Variants in SH3PXD2B observed in about 807,000 individuals in gnomAD.
SH3PXD2B encodes the protein SH3 and PX domains 2B, also known as SH3 and PX domain-containing protein 2B.
In SH3PXD2B, 37 loss-of-function variants were observed where a neutral mutation model predicts 73.1. That is an observed-to-expected ratio of 0.51 (90% confidence interval 0.39 to 0.67). The LOEUF (loss-of-function observed/expected upper bound fraction) is 0.67, where lower values mean the gene tolerates loss of function less well. Ranked by LOEUF, SH3PXD2B falls within the 30% of genes least tolerant of loss-of-function variation. The probability of loss-of-function intolerance (pLI) is 0.00; values close to 1 mark genes in which losing one functional copy is unlikely to be tolerated. For synonymous variants in SH3PXD2B, 457 were observed against 480.5 expected (o/e 0.95, Z 0.64); for missense variants, 1,053 against 1,197.8 (o/e 0.88, Z 1.78).
chr5:172,431,336 A>G (rs889004640), intron 1 of SH3PXD2B, among the ~76,000 whole-genome samples: 1 of 152,238 alleles, frequency 6.6e-6, no homozygotes, highest in African/African-American at 2.4e-5. Flanking sequence ...CGTGCTCCAA[A>G]CACTAGGTCT....
rs1561925414 is a variant in SH3PXD2B, at chr5:172,404,318, T to TA, written c.232+1958_232+1959insT. ...TGAAAAAAGATATATATATATATATTTTTTTTTGAGATAGAGTTTCACTCT... is the reference window on the plus strand; with the variant it reads ...TGAAAAAAGATATATATATATATATTATTTTTTTGAGATAGAGTTTCACTCT... On this transcript the variant is annotated intron_variant, in intron 3 of 12. Coordinates refer to ENST00000311601, the MANE Select transcript of SH3PXD2B (RefSeq NM_001017995.3). Among the ~76,000 whole-genome samples, 426 of 150,752 alleles carry TA rather than the reference T, an allele frequency of 2.8e-3. 5 individuals carry two copies. The highest frequency in any genetic ancestry group is 9.6e-3 in the African/African-American group (392 of 40,752).
chr5:172,338,140 A>C lies in SH3PXD2B; in HGVS notation c.*229T>G. On this transcript the variant is annotated 3_prime_UTR_variant, in exon 13 of 13. Coordinates refer to ENST00000311601, the MANE Select transcript of SH3PXD2B (RefSeq NM_001017995.3). This position sits in a 1 kb window ranked among gnomAD's most constrained non-coding sequence, Gnocchi z 5.1. ...GGGATGCTGACATGGACAGAAAGCA[A>C]AGGCTGTGGGTTCTGAGCCTCCAGT... 7.0e-7 allele frequency: 1 copy of C among 1,434,548 alleles called. No homozygotes were observed. Among genetic ancestry groups the C allele is most frequent in the East Asian group, 2.5e-5 (1 of 39,282 alleles). The allele number at this position is 1,434,548 out of a possible 1,614,324, so 88.9% of individuals were successfully genotyped here.
chr5:172,365,147 TGAG>T (rs1757485794), intron 6 of SH3PXD2B, among the ~76,000 whole-genome samples: 1 of 151,958 alleles, frequency 6.6e-6, no homozygotes, highest in African/African-American at 2.4e-5. Flanking sequence ...AGAGAAAGCA[TGAG>T]GAGAACAGAG....
At chr5:172,390,815 T>TTTTG (rs1414129867) in intron 4 of SH3PXD2B, among the ~76,000 whole-genome samples, 2 of 140,004 alleles carry the variant, frequency 1.4e-5, no homozygotes, top group East Asian at 2.2e-4. Flanking sequence ...TTCCCGTCTT[T>TTTTG]TGTGTGTGTG....
chr5:172,368,528 ATATATATATATAAAATATATATATAT>A (rs1757596431), intron 6 of SH3PXD2B, among the ~76,000 whole-genome samples: 1 of 22,946 alleles, frequency 4.4e-5, no homozygotes, highest in Admixed American at 9.5e-4. Context: ...TATATATATT[ATATATATATATAAAATATATATATAT>A]TATATATATA....
chr5:172,357,468 A>C (rs1029828784), intron 8 of SH3PXD2B, among the ~76,000 whole-genome samples: 18 of 152,008 alleles, frequency 1.2e-4, no homozygotes, highest in African/African-American at 4.3e-4. Flanking sequence ...GGAAGAAAAT[A>C]AATGTACAAA....
At chr5:172,387,818 C>A (rs1758091693) in intron 4 of SH3PXD2B, among the ~76,000 whole-genome samples, 1 of 152,182 alleles carries the variant, frequency 6.6e-6, no homozygotes, top group African/African-American at 2.4e-5. Flanking sequence ...ATAAACCAAT[C>A]TTTTTGTGCT....
chr5:172,414,970 T>C (rs1345158168), intron 2 of SH3PXD2B, among the ~76,000 whole-genome samples: 2 of 152,190 alleles, frequency 1.3e-5, no homozygotes, highest in Admixed American at 6.5e-5. Flanking sequence ...CCTGCTCAGA[T>C]GTCACCTCCT....
At position 172,339,042 on chromosome 5, in the gene SH3PXD2B, G is replaced by C; in HGVS notation, c.2063C>G (p.Ala688Gly). 6.2e-7 allele frequency: 1 copy of C among 1,614,214 alleles called. No homozygotes were observed. The highest frequency in any genetic ancestry group is 1.1e-5 in the South Asian group (1 of 91,092). The change falls in exon 13 of 13, where the codon GCA becomes GGA. Residue 688 changes from alanine to glycine, a missense_variant. Ala to Gly is a moderately conservative substitution (Grantham distance 60). Around this residue, in one of 2 missense-constraint regions of SH3PXD2B, gnomAD observed 587 missense variants for 590.7 expected, o/e 0.99. Transcript: ENST00000311601. The surrounding 1 kb of genome is among the most constrained non-coding windows in gnomAD (Gnocchi z 6.1). ...GAAGGCCACGTCTTGGCCCCCTACT[G>C]CCTGGGGGCCCTCCCCATCCAACAA... ...KSLLDGEGPQ[A>G]VGGQDVAFSR...
chr5:172,328,458 C>T (rs371333395), intron 12 of SH3PXD2B, among the ~76,000 whole-genome samples: 22 of 152,220 alleles, frequency 1.4e-4, no homozygotes, highest in East Asian at 3.9e-4. Flanking sequence ...CTTGGCCTCC[C>T]GAAGTGTTGG....
chr5:172,444,664 T>G (rs901660031), intron 1 of SH3PXD2B, among the ~76,000 whole-genome samples: 1 of 152,142 alleles, frequency 6.6e-6, no homozygotes, highest in African/African-American at 2.4e-5. Context: ...CTTCCCTCTC[T>G]CCCTCCATCT....
chr5:172,389,253 A>G (rs1225066137), intron 4 of SH3PXD2B, among the ~76,000 whole-genome samples: 1 of 151,716 alleles, frequency 6.6e-6, no homozygotes, highest in African/African-American at 2.4e-5. Flanking sequence ...ATGGGGTTTC[A>G]CCACATTGGT....
At chr5:172,402,541 A>G (rs889708262) in intron 3 of SH3PXD2B, among the ~76,000 whole-genome samples, 1 of 152,194 alleles carries the variant, frequency 6.6e-6, no homozygotes, top group Non-Finnish European at 1.5e-5. Flanking sequence ...ACCTGCCGAC[A>G]TGTGATGTCT....
At chr5:172,392,998 T>C (rs981599183) in intron 4 of SH3PXD2B, among the ~76,000 whole-genome samples, 1 of 152,222 alleles carries the variant, frequency 6.6e-6, no homozygotes, top group Admixed American at 6.5e-5. Flanking sequence ...ATGGGTAATA[T>C]GGCTCATCTA....
chr5:172,359,507 G>A (rs1313106173), intron 7 of SH3PXD2B, among the ~76,000 whole-genome samples: 2 of 151,984 alleles, frequency 1.3e-5, no homozygotes, highest in African/African-American at 4.8e-5. Context: ...GCACACATGA[G>A]GAAACTGAGG....
At position 172,358,822 on chromosome 5, in the gene SH3PXD2B, G is replaced by A. The variant is rs748325761; in HGVS notation, c.618C>T (p.Leu206=). Residue 206 remains leucine (L), a synonymous_variant, in exon 8 of 13, where the codon CTC becomes CTT. Transcript: ENST00000311601. ...EEQGWVPATC[L]EGQDGVQDEF... ...CATCCTGCACCCCATCCTGGCCTTC[G>A]AGGCACGTTGCAGGGACCCAGCCTT... The A allele has an allele frequency of 5.6e-6, 9 of 1,613,988 alleles. No homozygotes were observed. Among genetic ancestry groups the A allele is most frequent in the East Asian group, 2.2e-5 (1 of 44,864 alleles).
chr5:172,454,316 G>A lies in SH3PXD2B; in HGVS notation c.37C>T (p.Leu13=), dbSNP rs779167144. ...GGCACCCGCCGCTTCTGCACGTCTA[G>A]CACCTTCACCTCCACGATGCTGCGC... ...PRRSIVEVKV[L]DVQKRRVPNK... Residue 13 remains leucine, a synonymous_variant, in exon 1 of 13, where the codon CTA becomes TTA. Transcript: ENST00000311601. The A allele has an allele frequency of 9.4e-6, 15 of 1,598,026 alleles. No homozygotes were observed. Among genetic ancestry groups the A allele is most frequent in the Middle Eastern group, 1.7e-4 (1 of 6,050 alleles).
At chr5:172,433,911 G>A (rs991131028) in intron 1 of SH3PXD2B, among the ~76,000 whole-genome samples, 12 of 152,110 alleles carry the variant, frequency 7.9e-5, no homozygotes, top group African/African-American at 2.2e-4. Context: ...TCACCTCCTC[G>A]CGGGGTCTAA....
In SH3PXD2B at chr5:172,445,950, G is replaced by A. The variant is rs1452731378; in HGVS notation, c.75+8328C>T. Among the ~76,000 whole-genome samples the A allele has an allele frequency of 6.6e-6, 1 of 152,264 alleles. No homozygotes were observed. Among genetic ancestry groups the A allele is most frequent in the African/African-American group, 2.4e-5 (1 of 41,478 alleles). ...GAGCTCAGGTCCGCAGGCTTCTGCA[G>A]AGGCAGAGTCCGGAGGAGGCAGCCA... On this transcript the variant is annotated intron_variant, in intron 1 of 12. Coordinates refer to ENST00000311601, the MANE Select transcript of SH3PXD2B (RefSeq NM_001017995.3). This position sits in a 1 kb window ranked among gnomAD's most constrained non-coding sequence, Gnocchi z 5.2.
Sources: allele counts gnomAD v4.1 joint callset (sites outside exome capture counted in the v4.1 genomes callset), GRCh38; gene constraint gnomAD v4.1.1; regional missense constraint gnomAD v4.1.1; non-coding constraint Gnocchi (gnomAD v3.1); transcripts MANE v1.5; gene names NCBI Gene and HGNC (gene_info 2026-07-23, HGNC 2026-07-21).